IL7: variants seen among roughly 807,000 people sequenced by gnomAD.
IL7 encodes the protein interleukin-7.
A neutral mutation model predicts 21.6 loss-of-function variants in IL7; 3 were observed. The observed-to-expected ratio is 0.14, with a 90% CI of 0.06 to 0.36. The LOEUF is 0.36. IL7 is among the 10% of genes least tolerant of loss of function. The probability of loss-of-function intolerance (pLI) is 1.00; values close to 1 mark genes in which losing one functional copy is unlikely to be tolerated. For synonymous variants in IL7, 62 were observed against 68.1 expected (o/e 0.91, Z 0.44); for missense variants, 175 against 200.2 (o/e 0.87, Z 0.76).
At chr8:78,786,945 A>G (rs1027727878) in intron 2 of IL7, among the ~76,000 whole-genome samples, 3 of 152,178 alleles carry the variant, frequency 2.0e-5, no homozygotes, top group South Asian at 2.1e-4. Flanking sequence ...CCAATGGCCA[A>G]TGATTTAATC....
In IL7 at chr8:78,794,249, C is replaced by T. The variant is rs555647823; in HGVS notation, c.147+3823G>A. Among the ~76,000 whole-genome samples, 7 of 152,198 alleles carry T rather than the reference C, an allele frequency of 4.6e-5. No individual in the cohort carries two copies. The East Asian group carries it at 1.4e-3, about 29-fold the overall frequency. Reference sequence around the variant, plus strand: ...CTTTGCCCAGATCTATTAGATGAATCATTATCTCTGGCAGCCATAGCCTCA... The same window carrying T: ...CTTTGCCCAGATCTATTAGATGAATTATTATCTCTGGCAGCCATAGCCTCA... On this transcript the variant is annotated intron_variant, in intron 2 of 5. Coordinates refer to ENST00000263851, the MANE Select transcript of IL7 (RefSeq NM_000880.4).
chr8:78,712,021 A>G, intron 3 of IL7: 4 of 1,289,728 alleles, frequency 3.1e-6, no homozygotes, highest in Non-Finnish European at 4.0e-6. Flanking sequence ...TCCACTTCGA[A>G]CGGGAAGACT....
At chr8:78,704,408 A>G (rs952210375) in intron 3 of IL7, among the ~76,000 whole-genome samples, 2 of 149,266 alleles carry the variant, frequency 1.3e-5, no homozygotes, top group Admixed American at 1.3e-4. Context: ...AAAAAAAAAG[A>G]ATGTTAAATA....
intron 3 of IL7, among the ~76,000 whole-genome samples, chr8:78,722,346 C>T (rs1024792320): frequency 6.6e-6 from 1 of 151,816 alleles, no homozygotes; most frequent in Non-Finnish European, 1.5e-5. Context: ...ATAATTTTAA[C>T]GAAATTATTT....
At chr8:78,722,525 A>C (rs1303551515) in intron 3 of IL7, among the ~76,000 whole-genome samples, 1 of 151,996 alleles carries the variant, frequency 6.6e-6, no homozygotes, top group Non-Finnish European at 1.5e-5. Context: ...TAGAAACCAC[A>C]CCCTATGTGT....
At chr8:78,772,350 T>C (rs1235343590) in intron 2 of IL7, among the ~76,000 whole-genome samples, 2 of 152,220 alleles carry the variant, frequency 1.3e-5, no homozygotes, top group East Asian at 3.9e-4. Flanking sequence ...ACATAGCCTG[T>C]AATACATTTT....
At chr8:78,723,053 T>A (rs1811270757) in intron 3 of IL7, among the ~76,000 whole-genome samples, 2 of 148,052 alleles carry the variant, frequency 1.4e-5, no homozygotes, top group African/African-American at 4.9e-5. Context: ...AGTCTTTCAT[T>A]TTCCAAAGGA....
chr8:78,801,230 G>A (rs994194571), intron 1 of IL7, among the ~76,000 whole-genome samples: 1 of 152,138 alleles, frequency 6.6e-6, no homozygotes, highest in Non-Finnish European at 1.5e-5. Context: ...TAATTATAAT[G>A]CATGGCTTCC....
At chr8:78,769,721 C>T (rs1488830046) in intron 2 of IL7, among the ~76,000 whole-genome samples, 2 of 152,052 alleles carry the variant, frequency 1.3e-5, no homozygotes, top group Non-Finnish European at 1.5e-5. Context: ...GAGCCCACAT[C>T]GCCAAGTCAA....
chr8:78,747,364 T>C (rs578120031), intron 2 of IL7, among the ~76,000 whole-genome samples: 1 of 152,178 alleles, frequency 6.6e-6, no homozygotes, highest in South Asian at 2.1e-4. Context: ...TTTATATTTT[T>C]AGTAGACACT....
chr8:78,800,254 T>C (rs369915853), intron 1 of IL7, among the ~76,000 whole-genome samples: 12 of 152,212 alleles, frequency 7.9e-5, no homozygotes, highest in Admixed American at 7.2e-4. Flanking sequence ...TTAACTCTTA[T>C]GGCTGAGTAG....
downstream of IL7, among the ~76,000 whole-genome samples, chr8:78,713,474 A>C (rs906470974): frequency 3.3e-5 from 5 of 152,164 alleles, no homozygotes; most frequent in Non-Finnish European, 7.4e-5. Flanking sequence ...AAAAAAAAAA[A>C]AAGTGTTCTT....
chr8:78,697,774 G>A (rs1046720734), intron 3 of IL7, among the ~76,000 whole-genome samples: 2 of 151,538 alleles, frequency 1.3e-5, no homozygotes, highest in African/African-American at 4.9e-5. Flanking sequence ...CGCCTCCCAG[G>A]TTCAAATGAT....
intron 2 of IL7, among the ~76,000 whole-genome samples, chr8:78,746,163 A>T (rs1461533039): frequency 6.6e-6 from 1 of 152,210 alleles, no homozygotes; most frequent in African/African-American, 2.4e-5. Context: ...TCTGTCCATT[A>T]ATGTTGAGTT....
At chr8:78,678,140 A>G (rs764022237) in intron 4 of IL7, among the ~76,000 whole-genome samples, 29 of 152,004 alleles carry the variant, frequency 1.9e-4, no homozygotes, top group Non-Finnish European at 4.0e-4. Flanking sequence ...TATGATCTGT[A>G]TTTTGTGCTG....
intron 2 of IL7, among the ~76,000 whole-genome samples, chr8:78,776,055 A>G (rs1813127511): frequency 6.6e-6 from 1 of 152,056 alleles, no homozygotes; most frequent in Non-Finnish European, 1.5e-5. Context: ...ATACATACCA[A>G]TGATAAAACT....
chr8:78,694,677 G>C (rs1244795619), intron 3 of IL7, among the ~76,000 whole-genome samples: 1 of 152,090 alleles, frequency 6.6e-6, no homozygotes, highest in African/African-American at 2.4e-5. Flanking sequence ...GGTCTAAATA[G>C]TAAGTTCTAC....
chr8:78,762,469 C>G, intron 2 of IL7: 1 of 1,536,332 alleles, frequency 6.5e-7, no homozygotes, highest in Non-Finnish European at 8.8e-7. Flanking sequence ...CCTCCCCTCC[C>G]CGCCTCCTCA....
chr8:78,694,381 T>C (rs1810329461), intron 3 of IL7, among the ~76,000 whole-genome samples: 1 of 152,168 alleles, frequency 6.6e-6, no homozygotes, highest in African/African-American at 2.4e-5. Context: ...GTATTCATGA[T>C]TATCATTCAT....
Sources: gnomAD v4.1 joint callset for allele counts (sites outside exome capture counted in the v4.1 genomes callset) on GRCh38, gnomAD v4.1.1 for gene constraint, MANE v1.5 for transcripts, NCBI Gene and HGNC (gene_info 2026-07-23, HGNC 2026-07-21) for gene names.